Variants in PRKN observed in about 807,000 individuals in gnomAD.
PRKN encodes the protein parkin RBR E3 ubiquitin protein ligase, also known as E3 ubiquitin-protein ligase parkin.
Under a neutral mutation model 59.5 loss-of-function variants are expected in PRKN, and 56 were observed. The ratio of observed to expected loss-of-function variants is 0.94; its 90% CI spans 0.76 to 1.18. The LOEUF is 1.18. PRKN is among the 50% of genes most tolerant of loss of function. The pLI is 0.00. For synonymous variants in PRKN, 250 were observed against 222.1 expected, an observed-to-expected ratio of 1.13 and a Z score of -1.12; for missense variants, 657 against 596.4, an observed-to-expected ratio of 1.10 and a Z score of -1.06.
rs372692213 is a variant in PRKN, at chr6:162,229,672, C to T, written c.413-28420G>A. ...ATACACCAAACTCAATATCTGCCCT[C>T]GGCCTTGGCACTTGCCATTCCCTCT... is the stretch of plus-strand genomic sequence containing the variant. On this transcript the variant is annotated intron_variant, in intron 3 of 11. Coordinates refer to ENST00000366898, the MANE Select transcript of PRKN (RefSeq NM_004562.3). Among the ~76,000 whole-genome samples, 26 of 152,204 alleles carry T rather than the reference C, an allele frequency of 1.7e-4. 4 individuals are homozygous for T. The highest frequency in any genetic ancestry group is 1.4e-3 in the Admixed American group (21 of 15,306).
chr6:162,722,425 A>G (rs1778971396), intron 1 of PRKN, among the ~76,000 whole-genome samples: 2 of 152,202 alleles, frequency 1.3e-5, no homozygotes, highest in African/African-American at 4.8e-5. Context: ...AAATCAGCCG[A>G]CTGTCACATG....
At chr6:162,109,786 T>A (rs1780344491) in intron 4 of PRKN, among the ~76,000 whole-genome samples, 1 of 152,218 alleles carries the variant, frequency 6.6e-6, no homozygotes, top group Non-Finnish European at 1.5e-5. Flanking sequence ...TGCTTTTTAT[T>A]TCATTTACCG....
chr6:162,487,797 T>A (rs1005241485), intron 1 of PRKN, among the ~76,000 whole-genome samples: 2 of 152,146 alleles, frequency 1.3e-5, no homozygotes, highest in Non-Finnish European at 2.9e-5. Flanking sequence ...AACGCCTGGC[T>A]GGGTATGAGG....
chr6:162,340,790 C>T (rs963710142), intron 2 of PRKN, among the ~76,000 whole-genome samples: 62 of 151,816 alleles, frequency 4.1e-4, no homozygotes, highest in Non-Finnish European at 7.4e-4. Context: ...AAGACCTAAA[C>T]GTTAAGACCT....
chr6:162,500,578 GA>G (rs939145686), intron 1 of PRKN, among the ~76,000 whole-genome samples: 31 of 152,292 alleles, frequency 2.0e-4, no homozygotes, highest in Middle Eastern at 3.4e-3. Context: ...CATAGGCTGT[GA>G]AACCTTAGTA....
At chr6:162,477,589 T>A (rs1429334592) in intron 1 of PRKN, among the ~76,000 whole-genome samples, 1 of 152,152 alleles carries the variant, frequency 6.6e-6, no homozygotes, top group Non-Finnish European at 1.5e-5. Flanking sequence ...AGATGCAAAG[T>A]CTTCAGGTGT....
chr6:162,052,487 G>T (rs1486507939), intron 5 of PRKN, among the ~76,000 whole-genome samples: 1 of 151,966 alleles, frequency 6.6e-6, no homozygotes, highest in African/African-American at 2.4e-5. Context: ...TATATGTTGT[G>T]ATTTTTCTGA....
intron 9 of PRKN, among the ~76,000 whole-genome samples, chr6:161,387,444 A>T (rs924684555): frequency 1.9e-4 from 29 of 152,202 alleles, no homozygotes; most frequent in African/African-American, 7.0e-4. Context: ...CCCTGCACAA[A>T]TGTGAATCAA....
At chr6:162,548,563 C>T (rs182583858) in intron 1 of PRKN, among the ~76,000 whole-genome samples, 23 of 152,236 alleles carry the variant, frequency 1.5e-4, no homozygotes, top group East Asian at 1.2e-3. Context: ...TGCTTCATTT[C>T]GTTTGTAAAT....
At chr6:162,501,954 A>G (rs2128188120) in intron 1 of PRKN, among the ~76,000 whole-genome samples, 2 of 152,290 alleles carry the variant, frequency 1.3e-5, no homozygotes, top group Admixed American at 1.3e-4. Context: ...TGGGAAAAAG[A>G]CGAATTAAGT....
intron 1 of PRKN, among the ~76,000 whole-genome samples, chr6:162,466,320 T>G (rs1209051825): frequency 6.6e-6 from 1 of 152,220 alleles, no homozygotes; most frequent in Admixed American, 6.5e-5. Context: ...ATTTGCAGAA[T>G]AGGCTTTGTG....
chr6:162,708,751 C>T (rs1460231442), intron 1 of PRKN, among the ~76,000 whole-genome samples: 3 of 152,192 alleles, frequency 2.0e-5, no homozygotes, highest in African/African-American at 7.2e-5. Context: ...GACATAGAGT[C>T]AGAGACCTAA....
At chr6:162,387,313 A>G (rs1786883908) in intron 2 of PRKN, among the ~76,000 whole-genome samples, 1 of 151,240 alleles carries the variant, frequency 6.6e-6, no homozygotes, top group South Asian at 2.1e-4. Context: ...AAAGGTTATT[A>G]TTCTCAACAA....
intron 6 of PRKN, among the ~76,000 whole-genome samples, chr6:161,880,635 G>A (rs1287978700): frequency 1.3e-5 from 2 of 152,136 alleles, no homozygotes; most frequent in Non-Finnish European, 2.9e-5. Context: ...CTCCTGGCTT[G>A]GTCTCCACCG....
chr6:161,499,157 G>C lies in PRKN; in HGVS notation c.1083+49697C>G, dbSNP rs977638275. 6.9e-4 allele frequency among the ~76,000 whole-genome samples: 102 copies of C among 147,618 alleles called. 1 individual carries two copies. The highest frequency in any genetic ancestry group is 1.0e-3 in the Non-Finnish European group (68 of 67,440). The stretch of plus-strand genomic sequence containing the variant: ...ATTTTTTTTTTTTTTTTGGCTCACA[G>C]AGTGCTTGAAAAGAATCTAAGACAA... On this transcript the variant is annotated intron_variant, in intron 9 of 11. Transcript: ENST00000366898. This position sits in a 1 kb window ranked among gnomAD's most constrained non-coding sequence, Gnocchi z 4.2.
chr6:162,187,351 T>C (rs1048291765), intron 4 of PRKN, among the ~76,000 whole-genome samples: 4 of 152,186 alleles, frequency 2.6e-5, no homozygotes, highest in African/African-American at 9.7e-5. Flanking sequence ...CTTCCTACAC[T>C]TGACAGCTTA....
rs1383024422 is a variant in PRKN at position 162,453,839 on chromosome 6, G to C, written c.8-10366C>G. ...AATCACATGAACCCAGGAGGTGGAG[G>C]TTGCAGTGAACTGAGATCGCGCCAT... On this transcript the variant is annotated intron_variant, in intron 1 of 11. Transcript: ENST00000366898. Among the ~76,000 whole-genome samples the C allele has an allele frequency of 8.5e-5, 13 of 152,216 alleles. 1 individual carries two copies. Among genetic ancestry groups the C allele is most frequent in the African/African-American group, 3.1e-4 (13 of 41,528 alleles).
At chr6:161,741,065 G>T (rs757608824) in intron 7 of PRKN, among the ~76,000 whole-genome samples, 2 of 152,226 alleles carry the variant, frequency 1.3e-5, no homozygotes, top group African/African-American at 2.4e-5. Flanking sequence ...ACATTTGCTA[G>T]TGTGTCCACA....
intron 4 of PRKN, among the ~76,000 whole-genome samples, chr6:162,071,599 T>A (rs1582989241): frequency 4.0e-4 from 2 of 5,046 alleles, no homozygotes; most frequent in African/African-American, 1.7e-3. Context: ...CTGAATTTAA[T>A]TTTTTTTTTT....
Sources: allele counts gnomAD v4.1 joint callset (sites outside exome capture counted in the v4.1 genomes callset), GRCh38; gene constraint gnomAD v4.1.1; non-coding constraint Gnocchi (gnomAD v3.1); transcripts MANE v1.5; gene names NCBI Gene and HGNC (gene_info 2026-07-23, HGNC 2026-07-21).